Variants in BCAS3 observed in about 807,000 individuals in gnomAD.
BCAS3 encodes the protein BCAS4/BCAS3 fusion.
A neutral mutation model predicts 116.1 loss-of-function variants in BCAS3; 53 were observed. The observed-to-expected ratio is 0.46, with a 90% CI of 0.37 to 0.57. BCAS3 has a LOEUF of 0.57. Among genes scored for constraint, BCAS3 ranks in the 20% least tolerant of loss-of-function variants. The pLI is 0.00. For missense variants in BCAS3, 917 were observed against 1,165.4 expected, an observed-to-expected ratio of 0.79 and a Z score of 3.10; for synonymous variants, 391 against 408.2, an observed-to-expected ratio of 0.96 and a Z score of 0.51.
intron 6 of BCAS3, among the ~76,000 whole-genome samples, chr17:60,771,659 G>A (rs1252037688): frequency 5.9e-5 from 9 of 151,900 alleles, no homozygotes; most frequent in African/African-American, 1.5e-4. Context: ...CCATTAACTC[G>A]TCATTTACAT....
At chr17:61,351,354 T>A (rs1253393295) in intron 22 of BCAS3, among the ~76,000 whole-genome samples, 2 of 152,172 alleles carry the variant, frequency 1.3e-5, no homozygotes, top group African/African-American at 4.8e-5. Context: ...TCCTTACATC[T>A]CAAAGTACCT....
At position 61,286,007 on chromosome 17, in the gene BCAS3, G is replaced by A. The variant is rs2051735653; in HGVS notation, c.2426-82320G>A. 6.6e-6 allele frequency among the ~76,000 whole-genome samples: 1 copy of A among 152,178 alleles called. No homozygotes were observed. The highest frequency in any genetic ancestry group is 6.5e-5 in the Admixed American group (1 of 15,278). ...AGACCTAAAACCAGCCCCAGGCTTT[G>A]ACTGTCAATATCATGACACCTTTTT... On this transcript the variant is annotated intron_variant, in intron 22 of 23. Transcript: ENST00000407086. This position sits in a 1 kb window ranked among gnomAD's most constrained non-coding sequence, Gnocchi z 4.8.
At chr17:60,855,453 T>A (rs1464044449) in intron 7 of BCAS3, among the ~76,000 whole-genome samples, 2 of 126,764 alleles carry the variant, frequency 1.6e-5, no homozygotes, top group Non-Finnish European at 3.2e-5. Context: ...TATTTTTAAA[T>A]TTTTTTTTTT....
chr17:60,699,115 G>A (rs1339325639), intron 4 of BCAS3, among the ~76,000 whole-genome samples: 2 of 152,012 alleles, frequency 1.3e-5, no homozygotes, highest in Non-Finnish European at 2.9e-5. Flanking sequence ...ACAGGATTCC[G>A]TCTCAAAAAT....
intron 22 of BCAS3, among the ~76,000 whole-genome samples, chr17:61,291,529 G>A (rs1309414826): frequency 6.6e-6 from 1 of 152,142 alleles, no homozygotes; most frequent in Non-Finnish European, 1.5e-5. Flanking sequence ...TTTAAAATGT[G>A]GTTCATATTT....
At position 61,365,304 on chromosome 17, in the gene BCAS3, A is replaced by G. The variant is rs967997675; in HGVS notation, c.2426-3023A>G. Among the ~76,000 whole-genome samples the G allele has an allele frequency of 6.6e-6, 1 of 151,870 alleles. No individual in the cohort carries two copies. Among genetic ancestry groups the G allele is most frequent in the African/African-American group, 2.4e-5 (1 of 41,322 alleles). On this transcript the variant is annotated intron_variant, in intron 22 of 23. Coordinates refer to ENST00000407086, the MANE Select transcript of BCAS3 (RefSeq NM_017679.5). The surrounding 1 kb of genome is among the most constrained non-coding windows in gnomAD (Gnocchi z 4.6). ...GGACTGGGCCCAACATCTTACCCTA[A>G]CCTTTCTTGCTATAACATTGATTGA...
In BCAS3 at chr17:61,084,771, A is replaced by G. The variant is rs1248672882; in HGVS notation, c.2425+207A>G. ...CATTCCTAAGGTTGGTGAATGATGC[A>G]GTGGAGTTGGCACTTGATTAAATGT... On this transcript the variant is annotated intron_variant, in intron 22 of 23. Coordinates refer to ENST00000407086, the MANE Select transcript of BCAS3 (RefSeq NM_017679.5). The surrounding 1 kb of genome is among the most constrained non-coding windows in gnomAD (Gnocchi z 5.5). 6.6e-6 allele frequency among the ~76,000 whole-genome samples: 1 copy of G among 152,238 alleles called. No individual in the cohort carries two copies. Among genetic ancestry groups the G allele is most frequent in the Non-Finnish European group, 1.5e-5 (1 of 68,044 alleles).
Position 61,204,056 on chromosome 17 carries a change from T to A in BCAS3, c.2425+119492T>A, listed in dbSNP as rs1331288660. ...AGCCGCCTGTGATTTACTAACTGTT[T>A]TACAAATGTTTCCTCGCTCTGGGAG... On this transcript the variant is annotated intron_variant, in intron 22 of 23. Transcript: ENST00000407086. The surrounding 1 kb of genome is among the most constrained non-coding windows in gnomAD (Gnocchi z 4.2). 1.3e-5 allele frequency among the ~76,000 whole-genome samples: 2 copies of A among 152,172 alleles called. No homozygotes were observed. The highest frequency in any genetic ancestry group is 2.9e-5 in the Non-Finnish European group (2 of 68,044).
chr17:60,857,859 G>T (rs2144838015), intron 7 of BCAS3, among the ~76,000 whole-genome samples: 1 of 152,232 alleles, frequency 6.6e-6, no homozygotes, highest in East Asian at 1.9e-4. Flanking sequence ...ATAGTTTATG[G>T]TTCTGACAAA....
chr17:61,122,551 G>A lies in BCAS3; in HGVS notation c.2425+37987G>A, dbSNP rs1257707174. On this transcript the variant is annotated intron_variant, in intron 22 of 23. Coordinates refer to ENST00000407086, the MANE Select transcript of BCAS3 (RefSeq NM_017679.5). This position sits in a 1 kb window ranked among gnomAD's most constrained non-coding sequence, Gnocchi z 4.6. ...ACATCTGCTAATGCAAAAGCCCCGT[G>A]TGAGCATTAGTACTCAGGAATGTGA... Among the ~76,000 whole-genome samples the A allele has an allele frequency of 6.6e-6, 1 of 152,194 alleles. No individual in the cohort carries two copies. The highest frequency in any genetic ancestry group is 2.4e-5 in the African/African-American group (1 of 41,454).
At chr17:61,052,523 A>C (rs16944777) in intron 19 of BCAS3, among the ~76,000 whole-genome samples, 1,534 of 152,300 alleles carry the variant, frequency 0.01, 29 homozygotes, top group African/African-American at 0.035. Flanking sequence ...CAACTAGTAC[A>C]GAATTTGGTG....
intron 22 of BCAS3, among the ~76,000 whole-genome samples, chr17:61,334,393 G>A (rs146841524): frequency 6.4e-4 from 97 of 152,152 alleles, no homozygotes; most frequent in African/African-American, 2.2e-3. Context: ...TGGGCCGGGC[G>A]CGGTGGCTCA....
chr17:61,067,722 CA>C lies in BCAS3; in HGVS notation c.2030-7195del, dbSNP rs1353762363. ...AGAGCAAGACTCCATCTCAAACAAACAAACAAAAAAAAAAAAAAATATATAT... is the reference window on the plus strand; with the variant it reads ...AGAGCAAGACTCCATCTCAAACAAACAACAAAAAAAAAAAAAAATATATAT... On this transcript the variant is annotated intron_variant, in intron 19 of 23. Coordinates refer to ENST00000407086, the MANE Select transcript of BCAS3 (RefSeq NM_017679.5). Among the ~76,000 whole-genome samples the C allele has an allele frequency of 2.4e-3, 194 of 80,560 alleles. 1 individual carries two copies. The highest frequency in any genetic ancestry group is 0.01 in the African/African-American group (165 of 16,452). The allele number at this position is 80,560 out of a possible 152,430, so 52.9% of individuals were successfully genotyped here.
intron 9 of BCAS3, among the ~76,000 whole-genome samples, chr17:60,883,082 T>C (rs1193800423): frequency 1.4e-5 from 2 of 140,038 alleles, no homozygotes; most frequent in African/African-American, 5.5e-5. Context: ...GAGCATGAAA[T>C]GTTCTTCCAT....
chr17:60,760,634 CT>C (rs2043437150), intron 6 of BCAS3, among the ~76,000 whole-genome samples: 2 of 131,712 alleles, frequency 1.5e-5, no homozygotes, highest in African/African-American at 8.9e-5. Flanking sequence ...CTTGCTACAC[CT>C]TAATATTTTC....
At chr17:60,863,564 A>C (rs1287585583) in intron 7 of BCAS3, among the ~76,000 whole-genome samples, 1 of 152,012 alleles carries the variant, frequency 6.6e-6, no homozygotes, top group Non-Finnish European at 1.5e-5. Context: ...TTGGGCAACA[A>C]AGCAAGGCAC....
intron 19 of BCAS3, among the ~76,000 whole-genome samples, chr17:61,067,740 A>AAAAATAT (rs1555697139): frequency 7.5e-6 from 1 of 133,740 alleles, no homozygotes; most frequent in African/African-American, 3.3e-5. Flanking sequence ...AAAAAAAAAA[A>AAAAATAT]ATATATATAT....
rs1189817610 is a variant in BCAS3, at chr17:61,361,622, G to T, written c.2426-6705G>T. On this transcript the variant is annotated intron_variant, in intron 22 of 23. Transcript: ENST00000407086. This position sits in a 1 kb window ranked among gnomAD's most constrained non-coding sequence, Gnocchi z 6.5. ...ATCTGATGGCTAATTATATGAGCCAGGGTTCTCTAAGGAAACAACTAATAA... is the reference window on the plus strand; with the variant it reads ...ATCTGATGGCTAATTATATGAGCCATGGTTCTCTAAGGAAACAACTAATAA... 1.3e-5 allele frequency: 2 copies of T among 152,088 alleles called. No individual in the cohort carries two copies. The highest frequency in any genetic ancestry group is 4.8e-5 in the African/African-American group (2 of 41,436). 9.4% of individuals were successfully genotyped at this position (152,088 alleles called of 1,614,324 possible).
intron 16 of BCAS3, among the ~76,000 whole-genome samples, chr17:61,024,668 AT>A (rs1226609666): frequency 1.3e-5 from 2 of 151,080 alleles, no homozygotes; most frequent in Admixed American, 6.6e-5. Flanking sequence ...AAGTTTCTAT[AT>A]TTTTCTTTGG....
Sources: gnomAD v4.1 joint callset for allele counts (sites outside exome capture counted in the v4.1 genomes callset) on GRCh38, gnomAD v4.1.1 for gene constraint, Gnocchi (gnomAD v3.1) non-coding constraint, MANE v1.5 for transcripts, NCBI Gene and HGNC (gene_info 2026-07-23, HGNC 2026-07-21) for gene names.